The following FABP6 variants were observed in gnomAD, a reference collection of about 807,000 sequenced individuals.
FABP6 encodes gastrotropin.
In FABP6, 13 loss-of-function variants were observed where a neutral mutation model predicts 14.9. The observed-to-expected ratio is 0.87, with a 90% confidence interval of 0.57 to 1.39. The LOEUF is 1.39. Ranked by LOEUF, FABP6 falls within the 40% of genes most tolerant of loss-of-function variation. The pLI is 0.00. For missense variants in FABP6, 161 were observed against 167.2 expected (o/e 0.96, Z 0.20); for synonymous variants, 75 against 63.6 (o/e 1.18, Z -0.85).
At chr5:160,212,678 C>A (rs1346859800) in intron 2 of FABP6, among the ~76,000 whole-genome samples, 1 of 152,150 alleles carries the variant, frequency 6.6e-6, no homozygotes, top group Non-Finnish European at 1.5e-5. Context: ...ACCGTGTTAG[C>A]CAGGCTGGTC....
At chr5:160,216,270 ATT>A (rs59582403) in intron 3 of FABP6, among the ~76,000 whole-genome samples, 2 of 144,406 alleles carry the variant, frequency 1.4e-5, no homozygotes, top group Non-Finnish European at 1.5e-5. Flanking sequence ...TCTCATTGTA[ATT>A]TTTTTTTTTT....
At chr5:160,189,898 A>G (rs1015194630) in intron 1 of FABP6, among the ~76,000 whole-genome samples, 2 of 151,974 alleles carry the variant, frequency 1.3e-5, no homozygotes, top group Non-Finnish European at 2.9e-5. Context: ...CTGGCCATCC[A>G]CTCCCAAAAT....
At chr5:160,203,864 G>C (rs1759700950) in intron 2 of FABP6, among the ~76,000 whole-genome samples, 1 of 151,938 alleles carries the variant, frequency 6.6e-6, no homozygotes, top group Admixed American at 6.6e-5. Context: ...AACATGCCTG[G>C]TTAATTTTGT....
intron 2 of FABP6, chr5:160,213,728 T>C: frequency 1.9e-6 from 3 of 1,613,692 alleles, no homozygotes; most frequent in Non-Finnish European, 2.5e-6. Context: ...ATTTCTCTTC[T>C]GACTCAGGTT....
At chr5:160,232,072 G>T (rs760304880) in intron 1 of FABP6, 26 bp from the exon 2 acceptor site, 40 of 1,611,750 alleles carry the variant, frequency 2.5e-5, no homozygotes, top group Non-Finnish European at 3.3e-5. Flanking sequence ...CTCTTATATG[G>T]CTACTCTGCT....
intron 3 of FABP6, among the ~76,000 whole-genome samples, chr5:160,218,554 G>T (rs555931317): frequency 7.0e-6 from 1 of 142,632 alleles, no homozygotes. Flanking sequence ...TCTGCCTCCC[G>T]AGTACAAGCA....
At chr5:160,219,705 C>G (rs755085987) in intron 3 of FABP6, among the ~76,000 whole-genome samples, 2 of 152,038 alleles carry the variant, frequency 1.3e-5, no homozygotes, top group Non-Finnish European at 2.9e-5. Context: ...CAGCTCTGAC[C>G]GTGCAGAAGG....
chr5:160,227,790 T>A (rs950078804), upstream of FABP6, among the ~76,000 whole-genome samples: 1 of 150,086 alleles, frequency 6.7e-6, no homozygotes. Context: ...TTTGAAATTT[T>A]TATATATATA....
chr5:160,194,084 C>T (rs576936482), intron 1 of FABP6, among the ~76,000 whole-genome samples: 3 of 152,318 alleles, frequency 2.0e-5, no homozygotes, highest in East Asian at 1.9e-4. Context: ...AGCGCAGCGC[C>T]GGTGGGCCGG....
intron 1 of FABP6, chr5:160,197,921 C>CGAGTGTGTGTGTGTGTGTGT (rs1759543956): frequency 7.9e-6 from 1 of 127,046 alleles, no homozygotes. Context: ...AAGGCTGCTT[C>CGAGTGTGTGTGTGTGTGTGT]GTGTGTGTGT....
intron 2 of FABP6, among the ~76,000 whole-genome samples, chr5:160,211,548 A>G (rs1759890822): frequency 6.6e-6 from 1 of 152,124 alleles, no homozygotes; most frequent in Admixed American, 6.6e-5. Context: ...AGAGCCTGTA[A>G]CTGTCCAAGC....
intron 3 of FABP6, among the ~76,000 whole-genome samples, chr5:160,236,530 G>T (rs937145793): frequency 1.3e-5 from 2 of 152,138 alleles, no homozygotes; most frequent in Admixed American, 1.3e-4. Flanking sequence ...GCATTACAAG[G>T]CTCAGAGACA....
intron 2 of FABP6, among the ~76,000 whole-genome samples, chr5:160,199,814 C>T (rs6896192): frequency 0.92 from 140,472 of 152,206 alleles, 65,025 homozygotes; most frequent in African/African-American, 0.98. Context: ...CTAACCTGAA[C>T]CCCCGCACCA....
intron 2 of FABP6, among the ~76,000 whole-genome samples, chr5:160,207,291 G>A (rs1199319375): frequency 6.6e-6 from 1 of 152,164 alleles, no homozygotes; most frequent in East Asian, 1.9e-4. Context: ...TTTGCTCCCA[G>A]GCCTGCATCT....
intron 3 of FABP6, among the ~76,000 whole-genome samples, chr5:160,223,939 A>C (rs1167088501): frequency 3.9e-5 from 1 of 25,534 alleles, no homozygotes; most frequent in East Asian, 6.4e-4. Context: ...ATCTCTACAA[A>C]AAAAAAAAAA....
At chr5:160,216,128 C>A (rs567673888) in intron 3 of FABP6, among the ~76,000 whole-genome samples, 1 of 152,200 alleles carries the variant, frequency 6.6e-6, no homozygotes, top group African/African-American at 2.4e-5. Context: ...TGATGAGCTG[C>A]GAAGCTGGAA....
chr5:160,192,009 G>C (rs1759404678), intron 1 of FABP6, among the ~76,000 whole-genome samples: 1 of 151,884 alleles, frequency 6.6e-6, no homozygotes, highest in Non-Finnish European at 1.5e-5. Context: ...AGAAATCCTG[G>C]GCTCAAGCAG....
chr5:160,217,138 A>G (rs1420930356), intron 3 of FABP6, among the ~76,000 whole-genome samples: 1 of 152,176 alleles, frequency 6.6e-6, no homozygotes, highest in Non-Finnish European at 1.5e-5. Flanking sequence ...TCCATGTTAG[A>G]TCTTGGCTCT....
chr5:160,230,613 C>T (rs1054082060), intron 1 of FABP6, among the ~76,000 whole-genome samples: 11 of 152,166 alleles, frequency 7.2e-5, no homozygotes, highest in Admixed American at 3.9e-4. Context: ...CCACCCACCT[C>T]GGCCTCCCAA....
Sources: gnomAD v4.1 joint callset for allele counts (sites outside exome capture counted in the v4.1 genomes callset) on GRCh38, gnomAD v4.1.1 for gene constraint, MANE v1.5 for transcripts, NCBI Gene and HGNC (gene_info 2026-07-23, HGNC 2026-07-21) for gene names.